The following RNF125 variants were observed in gnomAD, a reference collection of about 807,000 sequenced individuals.
RNF125 encodes ring finger protein 125, also known as E3 ubiquitin-protein ligase RNF125.
In RNF125, 21 loss-of-function variants were observed where a neutral mutation model predicts 26.0. That is an observed-to-expected ratio of 0.81 (90% CI 0.57 to 1.16). RNF125 has a LOEUF of 1.16. Among genes scored for constraint, RNF125 ranks in the 50% most tolerant of loss-of-function variants. RNF125 has a pLI of 0.00. For synonymous variants in RNF125, 95 were observed against 109.2 expected, an observed-to-expected ratio of 0.87 and a Z score of 0.81; for missense variants, 270 against 299.4, an observed-to-expected ratio of 0.90 and a Z score of 0.72.
rs575396445 is a variant in RNF125 at position 32,036,126 on chromosome 18, C to G, written c.165-990C>G. On this transcript the variant is annotated intron_variant, in intron 1 of 5. Coordinates refer to ENST00000217740, the MANE Select transcript of RNF125 (RefSeq NM_017831.4). ...CTGAGATCGTGTCATTGCACTCCAG[C>G]CTGGGTGACAAGAGCAAGACTCCAT... is the stretch of plus-strand genomic sequence containing the variant. 1.1e-3 allele frequency among the ~76,000 whole-genome samples: 164 copies of G among 147,826 alleles called. 1 individual carries two copies. Among genetic ancestry groups the G allele is most frequent in the African/African-American group, 4.0e-3 (159 of 39,768 alleles).
Position 32,069,572 on chromosome 18 carries a change from G to A in RNF125, c.*1188G>A, listed in dbSNP as rs949385323. On this transcript the variant is annotated 3_prime_UTR_variant, in exon 6 of 6. Coordinates refer to ENST00000217740, the MANE Select transcript of RNF125 (RefSeq NM_017831.4). ...TAAGGAAATACTCTTTTAGGACTCA[G>A]CCAGTCACCCCACGTGTCCTTTTTG... The A allele has an allele frequency of 7.2e-5, 11 of 152,244 alleles. No homozygotes were observed. The highest frequency in any genetic ancestry group is 1.0e-4 in the Non-Finnish European group (7 of 68,014). 9.4% of individuals were successfully genotyped at this position (152,244 alleles called of 1,614,324 possible).
intron 3 of RNF125, among the ~76,000 whole-genome samples, chr18:32,042,624 A>G (rs147395865): frequency 6.6e-6 from 1 of 152,120 alleles, no homozygotes; most frequent in East Asian, 1.9e-4. Context: ...GTTTGGGATT[A>G]TCCATCTTCT....
chr18:32,024,207 TTC>T (rs1455611825), intron 1 of RNF125, among the ~76,000 whole-genome samples: 49,345 of 107,552 alleles, frequency 0.46, 12,065 homozygotes, highest in Non-Finnish European at 0.5. Flanking sequence ...TTTTTTTTTT[TTC>T]TTTTTTTTTT....
chr18:32,046,942 C>A (rs1176767953), intron 4 of RNF125, among the ~76,000 whole-genome samples: 1 of 152,136 alleles, frequency 6.6e-6, no homozygotes, highest in African/African-American at 2.4e-5. Context: ...CATCTCGGCT[C>A]ACTGCAACCT....
At chr18:32,027,210 G>A (rs1008106447) in intron 1 of RNF125, among the ~76,000 whole-genome samples, 12 of 151,172 alleles carry the variant, frequency 7.9e-5, no homozygotes, top group African/African-American at 2.7e-4. Flanking sequence ...CCTTACCACT[G>A]GACTACAGGA....
At chr18:32,055,832 AG>A (rs1390987438) in intron 4 of RNF125, among the ~76,000 whole-genome samples, 1 of 149,378 alleles carries the variant, frequency 6.7e-6, no homozygotes, top group Non-Finnish European at 1.5e-5. Flanking sequence ...ATACAAAATT[AG>A]CCGGGTGTGG....
At chr18:32,048,455 C>T (rs1029297638) in intron 4 of RNF125, among the ~76,000 whole-genome samples, 5 of 125,052 alleles carry the variant, frequency 4.0e-5, no homozygotes, top group Non-Finnish European at 7.0e-5. Flanking sequence ...CCCAAAAAAA[C>T]CTGTCTCAAA....
chr18:32,044,009 CT>C (rs2039244571), intron 3 of RNF125, among the ~76,000 whole-genome samples: 1 of 148,472 alleles, frequency 6.7e-6, no homozygotes, highest in South Asian at 2.1e-4. Context: ...TTTTTCTTTT[CT>C]TTTCTTTTCT....
chr18:32,078,510 G>T, the RNF125 span, among the ~76,000 whole-genome samples: 6 of 152,030 alleles, frequency 3.9e-5, no homozygotes, highest in African/African-American at 1.5e-4. Flanking sequence ...GGTGGCATGT[G>T]CCCATAGTAG....
At chr18:32,036,425 A>G (rs893235086) in intron 1 of RNF125, among the ~76,000 whole-genome samples, 20 of 151,566 alleles carry the variant, frequency 1.3e-4, no homozygotes, top group Non-Finnish European at 2.9e-4. Context: ...CCAAATGCTC[A>G]TTTTTATTTC....
the RNF125 span, among the ~76,000 whole-genome samples, chr18:32,088,074 TTG>T: frequency 6.6e-6 from 1 of 152,212 alleles, no homozygotes; most frequent in Non-Finnish European, 1.5e-5. Flanking sequence ...CATGGAACAG[TTG>T]TGTATGTACA....
downstream of RNF125, chr18:32,075,735 T>C: frequency 4.3e-6 from 2 of 462,524 alleles, no homozygotes; most frequent in East Asian, 4.1e-5. Context: ...ATACAGCAGT[T>C]GGAGAGATCT....
Position 32,065,971 on chromosome 18 carries a change from C to A in RNF125, c.574C>A (p.Leu192Met). Residue 192 changes from leucine to methionine, a missense_variant, in exon 5 of 6, where the codon CTG becomes ATG. By Grantham distance (15) the Leu-to-Met change is conservative. Transcript: ENST00000217740. ...CTTCAGTGGCAGTTTAATAAGACAT[C>A]TGCAAGTTAGTCACACTTTGTTTTA... ...SSFSGSLIRH[L>M]QVSHTLFYDD... The A allele has an allele frequency of 6.2e-7, 1 of 1,612,550 alleles. No homozygotes were observed.
In RNF125 at chr18:32,051,029, TTC is replaced by T. The variant is rs1403231695; in HGVS notation, c.504+5301_504+5302del. On this transcript the variant is annotated intron_variant, in intron 4 of 5. Transcript: ENST00000217740. ...TGAGCCACCGCGCCTGGCCTCAAAGTTCTCTTTCTTTCACTGGTTGGCTCTTA... is the reference window on the plus strand; with the variant it reads ...TGAGCCACCGCGCCTGGCCTCAAAGTTCTTTCTTTCACTGGTTGGCTCTTA... Among the ~76,000 whole-genome samples the T allele has an allele frequency of 3.8e-4, 57 of 151,856 alleles. 1 individual carries two copies. The highest frequency in any genetic ancestry group is 5.8e-4 in the East Asian group (3 of 5,156).
At chr18:32,062,434 G>A (rs1489560300) in intron 4 of RNF125, among the ~76,000 whole-genome samples, 1 of 152,136 alleles carries the variant, frequency 6.6e-6, no homozygotes, top group East Asian at 1.9e-4. Context: ...GACCAGTAGT[G>A]CCAATTAACC....
intron 1 of RNF125, among the ~76,000 whole-genome samples, chr18:32,019,278 A>G (rs868851753): frequency 6.6e-6 from 1 of 152,192 alleles, no homozygotes; most frequent in African/African-American, 2.4e-5. Flanking sequence ...CCCGAAGCCC[A>G]GGTGCGGAAC....
At chr18:32,022,891 G>A (rs1381866459) in intron 1 of RNF125, among the ~76,000 whole-genome samples, 1 of 152,178 alleles carries the variant, frequency 6.6e-6, no homozygotes, top group Admixed American at 6.5e-5. Context: ...TATCAAAGAA[G>A]TACATTTTGG....
At chr18:32,086,354 T>C in the RNF125 span, among the ~76,000 whole-genome samples, 1 of 108,226 alleles carries the variant, frequency 9.2e-6, no homozygotes, top group Non-Finnish European at 1.9e-5. Flanking sequence ...TAGATATTTG[T>C]GTTTTTTTTT....
At chr18:32,050,729 A>G (rs2039315548) in intron 4 of RNF125, among the ~76,000 whole-genome samples, 1 of 152,040 alleles carries the variant, frequency 6.6e-6, no homozygotes. Context: ...CTGAATTATG[A>G]GACCACTTTT....
Sources: allele counts gnomAD v4.1 joint callset (sites outside exome capture counted in the v4.1 genomes callset), GRCh38; gene constraint gnomAD v4.1.1; transcripts MANE v1.5; gene names NCBI Gene and HGNC (gene_info 2026-07-23, HGNC 2026-07-21).